Variants in TRIM55 observed in about 807,000 individuals in gnomAD.
The protein encoded by TRIM55 is tripartite motif containing 55.
In TRIM55, 50 loss-of-function variants were observed where a neutral mutation model predicts 60.9. The ratio of observed to expected loss-of-function variants is 0.82; its 90% CI spans 0.65 to 1.04. The LOEUF is 1.04. Among genes scored for constraint, TRIM55 ranks in the 50% least tolerant of loss-of-function variants. The pLI is 0.00. For missense variants in TRIM55, 681 were observed against 666.9 expected, an observed-to-expected ratio of 1.02 and a Z score of -0.23; for synonymous variants, 237 against 238.1, an observed-to-expected ratio of 1.00 and a Z score of 0.04.
chr8:66,160,194 C>A (rs1472071439), intron 9 of TRIM55, among the ~76,000 whole-genome samples: 2 of 152,098 alleles, frequency 1.3e-5, no homozygotes, highest in East Asian at 3.8e-4. Context: ...TATTCTTATG[C>A]CTTTGCATCC....
At chr8:66,162,470 C>T (rs1188118599) in intron 9 of TRIM55, among the ~76,000 whole-genome samples, 1 of 150,522 alleles carries the variant, frequency 6.6e-6, no homozygotes, top group Admixed American at 6.6e-5. Context: ...GGATATTGGT[C>T]TGTAGTTTTT....
intron 9 of TRIM55, among the ~76,000 whole-genome samples, chr8:66,164,227 C>A (rs149609805): frequency 1.3e-5 from 2 of 152,284 alleles, no homozygotes; most frequent in African/African-American, 4.8e-5. Context: ...GTCCAACAAG[C>A]CTGCGTCCCC....
chr8:66,118,226 AT>A, the TRIM55 span, among the ~76,000 whole-genome samples: 26 of 143,414 alleles, frequency 1.8e-4, no homozygotes, highest in African/African-American at 5.3e-4. Context: ...AAATATGTTT[AT>A]TTTACTAACA....
the TRIM55 span, chr8:66,113,555 G>A: frequency 2.2e-6 from 1 of 456,338 alleles, no homozygotes; most frequent in Non-Finnish European, 4.4e-6. Context: ...CAGTTTGAAA[G>A]TCTAGCGCTT....
intron 1 of TRIM55, among the ~76,000 whole-genome samples, chr8:66,127,702 G>C (rs1808892211): frequency 6.6e-6 from 1 of 152,140 alleles, no homozygotes; most frequent in African/African-American, 2.4e-5. Flanking sequence ...GGGCATGGTG[G>C]CGGGCACCTA....
At chr8:66,139,755 T>C (rs1419237092) in intron 4 of TRIM55, among the ~76,000 whole-genome samples, 1 of 152,204 alleles carries the variant, frequency 6.6e-6, no homozygotes, top group East Asian at 1.9e-4. Flanking sequence ...TAAAAGTCCA[T>C]CCTTTTACCT....
chr8:66,173,737 A>G (rs947423046), intron 9 of TRIM55, among the ~76,000 whole-genome samples: 2 of 152,170 alleles, frequency 1.3e-5, no homozygotes, highest in Non-Finnish European at 2.9e-5. Context: ...TTAAGTTGTG[A>G]TTTTTAAAGG....
chr8:66,113,504 T>G, the TRIM55 span: 845 of 456,138 alleles, frequency 1.9e-3, 3 homozygotes, highest in African/African-American at 0.013. Flanking sequence ...CTTATGGCAC[T>G]TTCCTTGGGT....
chr8:66,116,630 A>G, the TRIM55 span, among the ~76,000 whole-genome samples: 1 of 152,044 alleles, frequency 6.6e-6, no homozygotes, highest in African/African-American at 2.4e-5. Context: ...AGAAAGAAAG[A>G]AAAAAGACTG....
intron 9 of TRIM55, among the ~76,000 whole-genome samples, chr8:66,171,953 A>G (rs1258380800): frequency 7.3e-6 from 1 of 136,622 alleles, no homozygotes; most frequent in East Asian, 2.1e-4. Flanking sequence ...TGCAAATACT[A>G]TTGTCTTTTC....
chr8:66,123,617 A>G (rs1808713154), upstream of TRIM55, among the ~76,000 whole-genome samples: 1 of 152,210 alleles, frequency 6.6e-6, no homozygotes, highest in Non-Finnish European at 1.5e-5. Flanking sequence ...GAGTTTTGGG[A>G]GGCCAAGGCA....
the TRIM55 span, chr8:66,114,518 C>T: frequency 2.2e-6 from 1 of 456,196 alleles, no homozygotes; most frequent in South Asian, 1.5e-5. Context: ...TGTATTATCA[C>T]TCAGAATCCT....
In TRIM55 at chr8:66,154,047, G is replaced by A. The variant is rs751546456; in HGVS notation, c.1237G>A (p.Gly413Arg). 3 of 1,611,142 alleles carry A rather than the reference G, an allele frequency of 1.9e-6. No individual in the cohort carries two copies. The highest frequency in any genetic ancestry group is 1.1e-5 in the South Asian group (1 of 90,854). ...TTTGAATTTATCTGTCCTGATTAAG[G>A]GGGAGGTTGTACCCACTGGCTCTGA... ...PPAADAPVTQ[G>R]EVVPTGSEQT... Residue 413 changes from glycine (G) to arginine (R), a missense_variant and splice_region_variant, in exon 9 of 10, where the codon GGG (glycine) becomes AGG (arginine). By Grantham distance (125) the Gly-to-Arg change is moderately radical. Transcript: ENST00000315962.
intron 4 of TRIM55, among the ~76,000 whole-genome samples, chr8:66,149,106 T>A (rs1810262658): frequency 6.6e-6 from 1 of 152,090 alleles, no homozygotes; most frequent in African/African-American, 2.4e-5. Flanking sequence ...TCTGAGAAAA[T>A]TAACTTGGTT....
At chr8:66,162,278 A>C (rs189766194) in intron 9 of TRIM55, among the ~76,000 whole-genome samples, 29 of 152,218 alleles carry the variant, frequency 1.9e-4, no homozygotes, top group African/African-American at 7.0e-4. Flanking sequence ...TGAGATGATC[A>C]TGTGATTTTT....
In TRIM55 at chr8:66,174,785, A is replaced by G. The variant is rs1480084595; in HGVS notation, c.*192A>G. The G allele has an allele frequency of 9.3e-6, 4 of 428,890 alleles. No individual in the cohort carries two copies. The highest frequency in any genetic ancestry group is 1.6e-5 in the Non-Finnish European group (4 of 257,676). 26.6% of individuals were successfully genotyped at this position (428,890 alleles called of 1,614,324 possible). The stretch of plus-strand genomic sequence containing the variant: ...GGGGGAAAGAATATTTTGAGAAAAT[A>G]GTTGCAGAAAGCACTGGAAATAATA... On this transcript the variant is annotated 3_prime_UTR_variant, in exon 10 of 10. Transcript: ENST00000315962.
chr8:66,128,170 G>A (rs1808929977), intron 1 of TRIM55, 134 bp from the exon 2 acceptor site: 1 of 811,606 alleles, frequency 1.2e-6, no homozygotes, highest in African/African-American at 1.7e-5. Context: ...TGCTGAGAAA[G>A]CCCTGAGGGA....
At chr8:66,125,800 C>T (rs537826865), upstream of TRIM55, among the ~76,000 whole-genome samples, 21 of 151,996 alleles carry the variant, frequency 1.4e-4, no homozygotes, top group Non-Finnish European at 3.1e-4. Flanking sequence ...GCACACAGCA[C>T]TAAGACCACA....
chr8:66,123,756 G>T (rs1303565627), upstream of TRIM55, among the ~76,000 whole-genome samples: 1 of 152,208 alleles, frequency 6.6e-6, no homozygotes, highest in East Asian at 1.9e-4. Context: ...TACTCAGGAG[G>T]CTGAGGTGGG....
Sources: allele counts gnomAD v4.1 joint callset (sites outside exome capture counted in the v4.1 genomes callset), GRCh38; gene constraint gnomAD v4.1.1; transcripts MANE v1.5; gene names NCBI Gene and HGNC (gene_info 2026-07-23, HGNC 2026-07-21).